Variants in ADAMTS14 observed in about 807,000 individuals in gnomAD.
ADAMTS14 encodes ADAM metallopeptidase with thrombospondin type 1 motif 14.
In ADAMTS14, 100 loss-of-function variants were observed where a neutral mutation model predicts 128.6. That is an observed-to-expected ratio of 0.78 (90% CI 0.66 to 0.92). The LOEUF is 0.92. Ranked by LOEUF, ADAMTS14 falls within the 40% of genes least tolerant of loss-of-function variation. The probability of loss-of-function intolerance (pLI) is 0.00; values close to 1 mark genes in which losing one functional copy is unlikely to be tolerated. For missense variants in ADAMTS14, 1,562 were observed against 1,658.6 expected (o/e 0.94, Z 1.01); for synonymous variants, 665 against 653.8 (o/e 1.02, Z -0.26).
At chr10:70,744,298 G>A (rs1051483539) in intron 14 of ADAMTS14, 109 bp downstream of exon 14, 2 of 1,333,372 alleles carry the variant, frequency 1.5e-6, no homozygotes, top group Non-Finnish European at 9.7e-7. Flanking sequence ...TGGGGAGAAG[G>A]GGCCCTGGGG....
At position 70,702,306 on chromosome 10, in the gene ADAMTS14, G is replaced by T. The variant is rs1053634748; in HGVS notation, c.523-6G>T. The T allele has an allele frequency of 6.2e-7, 1 of 1,614,152 alleles. No homozygotes were observed. On this transcript the variant is annotated splice_polypyrimidine_tract_variant and splice_region_variant and intron_variant, in intron 2 of 21. Transcript: ENST00000373207. ...TCTTTCCCGCTGCTTGCCGTCCCTG[G>T]TTCAGGCGGGCCTCATCCGCACAGA... is the stretch of plus-strand genomic sequence containing the variant.
intron 3 of ADAMTS14, 42 bp from the exon 4 acceptor site, chr10:70,708,546 T>C: frequency 1.3e-6 from 2 of 1,550,838 alleles, no homozygotes; most frequent in South Asian, 2.4e-5. Flanking sequence ...TGACAGCCCC[T>C]CCTGTGGGTT....
chr10:70,733,759 G>A, intron 7 of ADAMTS14, 126 bp from the exon 8 acceptor site: 1 of 1,251,822 alleles, frequency 8.0e-7, no homozygotes, highest in Non-Finnish European at 1.1e-6. Context: ...GGAAAACTGA[G>A]GCCAGGAAGA....
chr10:70,723,682 C>G (rs1841341889), intron 4 of ADAMTS14, among the ~76,000 whole-genome samples: 1 of 152,180 alleles, frequency 6.6e-6, no homozygotes, highest in Non-Finnish European at 1.5e-5. Context: ...GCTTAATACC[C>G]CCAGGGTCTT....
intron 17 of ADAMTS14, 50 bp downstream of exon 17, chr10:70,751,696 C>T (rs1455560695): frequency 6.3e-7 from 1 of 1,584,472 alleles, no homozygotes. Flanking sequence ...CCCAGGATCC[C>T]TTGAGAGGCA....
intron 4 of ADAMTS14, among the ~76,000 whole-genome samples, chr10:70,716,622 A>G (rs999729219): frequency 6.6e-6 from 1 of 152,192 alleles, no homozygotes; most frequent in Non-Finnish European, 1.5e-5. Flanking sequence ...GGGGATTTCC[A>G]TGGGGCCAGT....
intron 17 of ADAMTS14, 36 bp from the exon 18 acceptor site, chr10:70,752,059 C>G (rs759095211): frequency 6.3e-7 from 1 of 1,586,318 alleles, no homozygotes. Flanking sequence ...GGGGGCCTGG[C>G]TGGACTAGGC....
chr10:70,739,138 T>A (rs1336068097), intron 11 of ADAMTS14, 148 bp downstream of exon 11: 4 of 1,021,840 alleles, frequency 3.9e-6, no homozygotes, highest in Non-Finnish European at 5.5e-6. Context: ...ACAAACTTGT[T>A]GGTGGAGGCA....
intron 2 of ADAMTS14, among the ~76,000 whole-genome samples, chr10:70,693,064 T>G (rs1840236510): frequency 6.6e-6 from 1 of 152,178 alleles, no homozygotes; most frequent in Admixed American, 6.5e-5. Flanking sequence ...GGAGCTGGCA[T>G]GCCACATGGT....
rs1842594317 is a variant in ADAMTS14, at chr10:70,760,748, G to A, written c.3567G>A (p.Trp1189Ter). The change falls in exon 22 of 22, where the codon TGG (tryptophan) becomes TGA (stop). Residue 1189 changes from tryptophan to a stop codon, truncating the protein, a stop_gained. Coordinates refer to ENST00000373207, the MANE Select transcript of ADAMTS14 (RefSeq NM_080722.4). LOFTEE classifies it low-confidence loss of function (END_TRUNC). ...ISPTTPGGLP[W>*]GWTQTPTPVP... ...CTACCACCCCCGGGGGGCTGCCTTG[G>A]GGCTGGACTCAGACACCTACGCCAG... 5.6e-6 allele frequency: 9 copies of A among 1,613,908 alleles called. No homozygotes were observed. The East Asian group carries it at 2.0e-4, about 36-fold the overall frequency.
intron 9 of ADAMTS14, 26 bp downstream of exon 9, chr10:70,735,327 G>A (rs760576349): frequency 6.2e-7 from 1 of 1,611,584 alleles, no homozygotes; most frequent in East Asian, 2.2e-5. Context: ...GCCTCTGCCA[G>A]GTGGTTGGGG....
rs1841615172 is a variant in ADAMTS14, at chr10:70,730,917, A to C, written c.1102+668A>C. Among the ~76,000 whole-genome samples, 3 of 152,326 alleles carry C rather than the reference A, an allele frequency of 2.0e-5. No individual in the cohort carries two copies. The South Asian group carries it at 6.2e-4, about 32-fold the overall frequency. On this transcript the variant is annotated intron_variant, in intron 6 of 21. Transcript: ENST00000373207. ...CCATGTGGTTTAGCAGACAGGAGGC[A>C]GATGTGAGACTCAAACTGGATCTCC...
intron 4 of ADAMTS14, among the ~76,000 whole-genome samples, chr10:70,723,229 G>T (rs1023701240): frequency 6.6e-6 from 1 of 152,292 alleles, no homozygotes. Context: ...TGATGACTCA[G>T]TGCTGGTCAT....
rs41278000 is a variant in ADAMTS14 at position 70,745,139 on chromosome 10, G to A, written c.2183-87G>A. ...TTCTGTGATCAAATGAGATGTTCCT[G>A]GGTGCCCAGTGAGGGAGTGGGGGAC... On this transcript the variant is annotated intron_variant, in intron 14 of 21. Coordinates refer to ENST00000373207, the MANE Select transcript of ADAMTS14 (RefSeq NM_080722.4). The A allele has an allele frequency of 8.7e-3, 10,627 of 1,221,348 alleles. 73 individuals are homozygous for A. Among genetic ancestry groups the A allele is most frequent in the Non-Finnish European group, 0.011 (9,476 of 858,460 alleles). The allele number at this position is 1,221,348 out of a possible 1,614,324, so 75.7% of individuals were successfully genotyped here. A position where few individuals can be genotyped will look rare whatever the true frequency, so the allele number is the denominator to read the frequency against.
chr10:70,689,251 G>A (rs1488349279), intron 2 of ADAMTS14, among the ~76,000 whole-genome samples: 1 of 145,066 alleles, frequency 6.9e-6, no homozygotes, highest in Non-Finnish European at 1.6e-5. Flanking sequence ...ACCCAAGGGA[G>A]TTTGTTTTAA....
Position 70,705,740 on chromosome 10 carries a change from A to G in ADAMTS14, c.680-2848A>G, listed in dbSNP as rs546211615. ...GGCTTCTTTCACTCAGCATGTTTTCAAGGCTCATCCATGGGATCGCCTGTC... is the reference window on the plus strand; with the variant it reads ...GGCTTCTTTCACTCAGCATGTTTTCGAGGCTCATCCATGGGATCGCCTGTC... On this transcript the variant is annotated intron_variant, in intron 3 of 21. Transcript: ENST00000373207. Among the ~76,000 whole-genome samples the G allele has an allele frequency of 6.6e-5, 10 of 152,310 alleles. No individual in the cohort carries two copies. The East Asian group carries it at 1.5e-3, about 24-fold the overall frequency.
At chr10:70,697,777 A>AACTTG (rs572864253) in intron 2 of ADAMTS14, among the ~76,000 whole-genome samples, 64,213 of 151,710 alleles carry the variant, frequency 0.42, 14,670 homozygotes, top group Non-Finnish European at 0.52. Context: ...TTACACCCTG[A>AACTTG]GGGGCTTTCC....
intron 4 of ADAMTS14, among the ~76,000 whole-genome samples, chr10:70,717,650 T>C (rs1227938616): frequency 6.6e-6 from 1 of 152,138 alleles, no homozygotes; most frequent in Non-Finnish European, 1.5e-5. Flanking sequence ...CATGGGGATA[T>C]TGGGGAACCT....
At chr10:70,745,669 C>T (rs950701448) in intron 15 of ADAMTS14, among the ~76,000 whole-genome samples, 2 of 152,218 alleles carry the variant, frequency 1.3e-5, no homozygotes, top group Non-Finnish European at 2.9e-5. Flanking sequence ...CTGCCTAACA[C>T]ACCACTCCAA....
Sources: allele counts gnomAD v4.1 joint callset (sites outside exome capture counted in the v4.1 genomes callset), GRCh38; gene constraint gnomAD v4.1.1; transcripts MANE v1.5; gene names NCBI Gene and HGNC (gene_info 2026-07-23, HGNC 2026-07-21).